The following PCDHGA3 variants were observed in gnomAD, a reference collection of about 807,000 sequenced individuals.
PCDHGA3 encodes protocadherin gamma subfamily A, 3.
PCDHGA3 carries 40 observed loss-of-function variants against 58.5 expected under a neutral mutation model. The observed-to-expected ratio is 0.68, with a 90% CI of 0.53 to 0.89. The LOEUF (loss-of-function observed/expected upper bound fraction) is 0.89. Among genes scored for constraint, PCDHGA3 ranks in the 40% least tolerant of loss-of-function variants. PCDHGA3 has a pLI of 0.00. For synonymous variants in PCDHGA3, 530 were observed against 525.7 expected, an observed-to-expected ratio of 1.01 and a Z score of -0.11; for missense variants, 1,223 against 1,195.9, an observed-to-expected ratio of 1.02 and a Z score of -0.33.
At chr5:141,503,396 A>G (rs1025780031) in intron 2 of PCDHGA3, among the ~76,000 whole-genome samples, 2 of 151,944 alleles carry the variant, frequency 1.3e-5, no homozygotes, top group African/African-American at 2.4e-5. Flanking sequence ...GGAGTTCGAA[A>G]CCAACCTGGC....
At chr5:141,422,664 C>T (rs2096662670) in intron 1 of PCDHGA3, 4 of 1,608,458 alleles carry the variant, frequency 2.5e-6, no homozygotes, top group Non-Finnish European at 3.4e-6. Flanking sequence ...CCGCCCTCGA[C>T]CCGGACAGCA....
intron 1 of PCDHGA3, chr5:141,423,881 G>A (rs2096788712): frequency 7.8e-7 from 1 of 1,281,784 alleles, no homozygotes; most frequent in Non-Finnish European, 9.9e-7. Flanking sequence ...TTCAATCTTG[G>A]CATATTTTCT....
intron 1 of PCDHGA3, chr5:141,398,850 A>T (rs2093714845): frequency 6.2e-7 from 1 of 1,613,864 alleles, no homozygotes; most frequent in East Asian, 2.2e-5. Context: ...ATCCCCCGGT[A>T]TTCAACCGAG....
chr5:141,367,991 T>C (rs941036288), intron 1 of PCDHGA3, among the ~76,000 whole-genome samples: 16 of 152,230 alleles, frequency 1.1e-4, no homozygotes, highest in Admixed American at 1.0e-3. Context: ...TTAATAGATT[T>C]GTCTTAATGA....
Position 141,344,113 on chromosome 5 carries a change from G to C in PCDHGA3, c.80G>C (p.Gly27Ala). Reference sequence around the variant, plus strand: ...CTCCTGGGGACGCTGTGCGAAACAGGATCCGGTCAGATCCGCTACTCGGTG... The same window carrying C: ...CTCCTGGGGACGCTGTGCGAAACAGCATCCGGTCAGATCCGCTACTCGGTG... ...CALLGTLCET[G>A]SGQIRYSVSE... Residue 27 changes from glycine to alanine, a missense_variant, in exon 1 of 4, where the codon GGA becomes GCA. Gly to Ala is a moderately conservative substitution (Grantham distance 60). This residue lies in a region of PCDHGA3 where 791 missense variants were observed against 708.5 expected (regional missense o/e 1.12). Coordinates refer to ENST00000253812, the MANE Select transcript of PCDHGA3 (RefSeq NM_018916.4). The C allele has an allele frequency of 6.2e-7, 1 of 1,614,034 alleles. No homozygotes were observed.
chr5:141,393,535 T>G, intron 1 of PCDHGA3: 1 of 1,613,888 alleles, frequency 6.2e-7, no homozygotes, highest in Non-Finnish European at 8.5e-7. Context: ...AATGCCCCGG[T>G]TTTTCCTCAC....
chr5:141,399,195 G>A (rs773731727), intron 1 of PCDHGA3: 5 of 1,613,852 alleles, frequency 3.1e-6, no homozygotes, highest in Non-Finnish European at 4.2e-6. Context: ...TGGAAAACGC[G>A]GTGCCTGGAA....
At chr5:141,505,767 AGGTCCTAGCTCT>A (rs2099848180) in intron 3 of PCDHGA3, among the ~76,000 whole-genome samples, 1 of 151,756 alleles carries the variant, frequency 6.6e-6, no homozygotes, top group Non-Finnish European at 1.5e-5. Context: ...AGTGTAGCTC[AGGTCCTAGCTCT>A]GCTACTATCC....
intron 1 of PCDHGA3, chr5:141,478,046 C>A (rs762982394): frequency 3.7e-6 from 6 of 1,614,172 alleles, no homozygotes; most frequent in Non-Finnish European, 5.1e-6. Flanking sequence ...CAGGCAGACT[C>A]TCACGGTCTT....
Position 141,505,463 on chromosome 5 carries a change from A to G in PCDHGA3, c.2554A>G (p.Ile852Val). 1 of 1,614,184 alleles carries G rather than the reference A, an allele frequency of 6.2e-7. No homozygotes were observed. Among genetic ancestry groups the G allele is most frequent in the East Asian group, 2.2e-5 (1 of 44,876 alleles). Residue 852 changes from isoleucine to valine, a missense_variant, in exon 3 of 4, where the codon ATC (isoleucine) becomes GTC (valine). Ile to Val is a conservative substitution (Grantham distance 29). Transcript: ENST00000253812. Reference protein sequence around the residue: ...QFDTEMLQAMILASASEAADG... With the variant: ...QFDTEMLQAMVLASASEAADG... ...TGACACAGAGATGCTGCAAGCCATG[A>G]TCTTGGCGTCCGCCAGTGGTAAGTG...
In PCDHGA3 at chr5:141,374,100, G is replaced by A. The variant is rs767728339; in HGVS notation, c.2424+27643G>A. ...AAGCCAGTAATGGCGCCTCCGCAGA[G>A]GCATCCGCAGCGCAGCGAGCAGGTC... On this transcript the variant is annotated intron_variant, in intron 1 of 3. Coordinates refer to ENST00000253812, the MANE Select transcript of PCDHGA3 (RefSeq NM_018916.4). 5.1e-6 allele frequency: 8 copies of A among 1,564,992 alleles called. No individual in the cohort carries two copies. The highest frequency in any genetic ancestry group is 6.1e-6 in the Non-Finnish European group (7 of 1,153,928).
rs772807357 is a variant in PCDHGA3, at chr5:141,431,758, C to G, written c.2425-63049C>G. On this transcript the variant is annotated intron_variant, in intron 1 of 3. Transcript: ENST00000253812. This position sits in a 1 kb window ranked among gnomAD's most constrained non-coding sequence, Gnocchi z 4.8. ...CAGGATATTCTGCGCGAGCCAAAGTCCTGATCACTGTTCTGGACGTGAACG... is the reference window on the plus strand; with the variant it reads ...CAGGATATTCTGCGCGAGCCAAAGTGCTGATCACTGTTCTGGACGTGAACG... 2.0e-5 allele frequency: 32 copies of G among 1,614,054 alleles called. No individual in the cohort carries two copies. The highest frequency in any genetic ancestry group is 2.6e-5 in the Non-Finnish European group (31 of 1,180,028).
At position 141,345,237 on chromosome 5, in the gene PCDHGA3, T is replaced by C; in HGVS notation, c.1204T>C (p.Tyr402His). 6.2e-7 allele frequency: 1 copy of C among 1,613,916 alleles called. No individual in the cohort carries two copies. Among genetic ancestry groups the C allele is most frequent in the Non-Finnish European group, 8.5e-7 (1 of 1,179,874 alleles). Residue 402 changes from tyrosine (Y) to histidine (H), a missense_variant, in exon 1 of 4, where the codon TAC becomes CAC. By Grantham distance (83) the Tyr-to-His change is moderately conservative. Transcript: ENST00000253812. ...FKLEKSIDQY[Y>H]RLVTATSLDR... ...GTTAGAAAAATCAATAGATCAATATTACCGCTTAGTGACGGCCACATCCCT... is the reference window on the plus strand; with the variant it reads ...GTTAGAAAAATCAATAGATCAATATCACCGCTTAGTGACGGCCACATCCCT...
intron 1 of PCDHGA3, chr5:141,398,034 A>G: frequency 6.8e-7 from 1 of 1,475,238 alleles, no homozygotes; most frequent in South Asian, 1.4e-5. Context: ...AACTGGAACT[A>G]AAGCCCGTTC....
rs1385143951 is a variant in PCDHGA3, at chr5:141,345,745, G to T, written c.1712G>T (p.Gly571Val). 1 of 1,614,202 alleles carries T rather than the reference G, an allele frequency of 6.2e-7. No homozygotes were observed. The highest frequency in any genetic ancestry group is 1.1e-5 in the South Asian group (1 of 91,078). The change falls in exon 1 of 4, where the codon GGT (glycine) becomes GTT (valine). Residue 571 changes from glycine (G) to valine (V), a missense_variant. Physicochemically the swap from Gly to Val is moderately radical, Grantham distance 109. This residue lies in a region of PCDHGA3 where 791 missense variants were observed against 708.5 expected (regional missense o/e 1.12). Coordinates refer to ENST00000253812, the MANE Select transcript of PCDHGA3 (RefSeq NM_018916.4). The stretch of plus-strand genomic sequence containing the variant: ...CTGTACCCCGCCCTCCCCACAGACG[G>T]TTCCACTGGCGTGGAGCTGGCGCCT... ...EILYPALPTD[G>V]STGVELAPRS...
intron 1 of PCDHGA3, chr5:141,350,652 T>C (rs755738484): frequency 6.2e-7 from 1 of 1,614,044 alleles, no homozygotes. Flanking sequence ...CCACGTTTCG[T>C]TGCAAAAGGC....
chr5:141,409,087 T>C (rs753624565), intron 1 of PCDHGA3: 1 of 1,613,990 alleles, frequency 6.2e-7, no homozygotes, highest in Admixed American at 1.7e-5. Flanking sequence ...TCTCATTGGA[T>C]GAGAAAACAG....
At chr5:141,365,177 A>G in intron 1 of PCDHGA3, 3 of 1,613,884 alleles carry the variant, frequency 1.9e-6, no homozygotes, top group Non-Finnish European at 2.5e-6. Context: ...CTCTTTTCGC[A>G]ATGAAGAAGA....
At chr5:141,386,590 G>A (rs1589020136) in intron 1 of PCDHGA3, among the ~76,000 whole-genome samples, 1 of 151,604 alleles carries the variant, frequency 6.6e-6, no homozygotes, top group Non-Finnish European at 1.5e-5. Context: ...TAGTGTGGGG[G>A]ATACATTTTT....
Sources: allele counts gnomAD v4.1 joint callset (sites outside exome capture counted in the v4.1 genomes callset), GRCh38; gene constraint gnomAD v4.1.1; regional missense constraint gnomAD v4.1.1; non-coding constraint Gnocchi (gnomAD v3.1); transcripts MANE v1.5; gene names NCBI Gene and HGNC (gene_info 2026-07-23, HGNC 2026-07-21).